The following PCCB variants were observed in gnomAD, a reference collection of about 807,000 sequenced individuals.
PCCB encodes the protein propionyl-CoA carboxylase subunit beta, also known as propionyl-CoA carboxylase beta chain, mitochondrial.
In PCCB, 43 loss-of-function variants were observed where a neutral mutation model predicts 60.7. The ratio of observed to expected loss-of-function variants is 0.71; its 90% CI spans 0.55 to 0.91. PCCB has a LOEUF of 0.91. Among genes scored for constraint, PCCB ranks in the 40% least tolerant of loss-of-function variants. The probability of loss-of-function intolerance (pLI) is 0.00; values close to 1 mark genes in which losing one functional copy is unlikely to be tolerated. For missense variants in PCCB, 766 were observed against 702.8 expected (o/e 1.09, Z -1.02); for synonymous variants, 276 against 255.9 (o/e 1.08, Z -0.75).
At chr3:136,315,946 A>G (rs556233654) in intron 9 of PCCB, among the ~76,000 whole-genome samples, 75 of 152,150 alleles carry the variant, frequency 4.9e-4, no homozygotes, top group Non-Finnish European at 3.2e-4. Context: ...ATGGTCGGGC[A>G]CAGTGGCTCA....
intron 5 of PCCB, among the ~76,000 whole-genome samples, chr3:136,274,469 A>G (rs1432421873): frequency 1.3e-5 from 2 of 152,200 alleles, no homozygotes; most frequent in Non-Finnish European, 2.9e-5. Context: ...TCTAGCTTGT[A>G]AGGTTTCTGC....
Position 136,283,852 on chromosome 3 carries a change from T to C in PCCB, c.559T>C (p.Ser187Pro), listed in dbSNP as rs1380239346. ...GTTTTGGCAGAGGAATGTTACGGCA[T>C]CCGGAGTCATCCCTCAGATTTCTCT... ...ADIFLRNVTA[S>P]GVIPQISLIM... The change falls in exon 6 of 15, where the codon TCC (serine) becomes CCC (proline). Residue 187 changes from serine to proline, a missense_variant. Physicochemically the swap from Ser to Pro is moderately conservative, Grantham distance 74. Transcript: ENST00000251654. The C allele has an allele frequency of 1.2e-5, 20 of 1,612,906 alleles. No individual in the cohort carries two copies. The Admixed American group carries it at 3.3e-4, about 27-fold the overall frequency.
chr3:136,326,535 G>A (rs963626857), intron 10 of PCCB: 18 of 647,098 alleles, frequency 2.8e-5, no homozygotes, highest in South Asian at 2.5e-4. Context: ...CGGCAAGGCC[G>A]GCTGTGTCTC....
chr3:136,301,100 A>G lies in PCCB; in HGVS notation c.955A>G (p.Ile319Val). 6.2e-7 allele frequency: 1 copy of G among 1,612,452 alleles called. No individual in the cohort carries two copies. The highest frequency in any genetic ancestry group is 1.3e-5 in the African/African-American group (1 of 75,030). ...ESTKAYNMVD[I>V]IHSVVDEREF... Reference sequence around the variant, plus strand: ...AACCAAAGCCTACAACATGGTGGACATCATACACTCTGTAAGTGCCACATC... The same window carrying G: ...AACCAAAGCCTACAACATGGTGGACGTCATACACTCTGTAAGTGCCACATC... The change falls in exon 9 of 15, where the codon ATC (isoleucine) becomes GTC (valine). Residue 319 changes from isoleucine to valine, a missense_variant. Physicochemically the swap from Ile to Val is conservative, Grantham distance 29. Transcript: ENST00000251654.
intron 9 of PCCB, 51 bp downstream of exon 9, chr3:136,301,162 G>A (rs772770286): frequency 3.5e-6 from 5 of 1,435,636 alleles, no homozygotes; most frequent in Admixed American, 3.4e-5. Flanking sequence ...CACATTCATG[G>A]GCATTGTGCT....
chr3:136,278,872 T>C (rs892200483), intron 5 of PCCB, among the ~76,000 whole-genome samples: 26 of 152,208 alleles, frequency 1.7e-4, no homozygotes, highest in Non-Finnish European at 5.9e-5. Context: ...TTCTGTCTGT[T>C]ATTAGAAGTG....
chr3:136,310,571 C>T (rs1390596203), intron 9 of PCCB, among the ~76,000 whole-genome samples: 1 of 152,128 alleles, frequency 6.6e-6, no homozygotes, highest in Non-Finnish European at 1.5e-5. Context: ...TTTCTGAGAC[C>T]TTTAAGGGCC....
intron 1 of PCCB, among the ~76,000 whole-genome samples, chr3:136,253,249 C>G (rs1051891134): frequency 2.0e-4 from 30 of 151,944 alleles, no homozygotes; most frequent in African/African-American, 7.0e-4. Context: ...ACCACCACAC[C>G]TGGCTATAAT....
At chr3:136,274,460 C>T (rs1382925408) in intron 5 of PCCB, among the ~76,000 whole-genome samples, 1 of 152,204 alleles carries the variant, frequency 6.6e-6, no homozygotes, top group Non-Finnish European at 1.5e-5. Flanking sequence ...CCAATCCCTT[C>T]TAGCTTGTAA....
chr3:136,253,529 C>T (rs1460781306), intron 1 of PCCB, among the ~76,000 whole-genome samples: 1 of 150,724 alleles, frequency 6.6e-6, no homozygotes, highest in Non-Finnish European at 1.5e-5. Flanking sequence ...GGATTTAAGG[C>T]ACGTGCCACC....
chr3:136,316,508 G>T (rs1934901241), intron 9 of PCCB, among the ~76,000 whole-genome samples: 1 of 151,922 alleles, frequency 6.6e-6, no homozygotes, highest in African/African-American at 2.4e-5. Flanking sequence ...TAGAGATGGG[G>T]TTTCGCTACA....
chr3:136,265,522 T>C (rs1285364345), intron 5 of PCCB, among the ~76,000 whole-genome samples: 1 of 152,228 alleles, frequency 6.6e-6, no homozygotes, highest in Non-Finnish European at 1.5e-5. Context: ...ATTGAATATT[T>C]TATGTATTTT....
intron 5 of PCCB, among the ~76,000 whole-genome samples, chr3:136,268,098 A>ATATATATATGTATG (rs1560002478): frequency 1.7e-5 from 2 of 115,538 alleles, no homozygotes; most frequent in Non-Finnish European, 1.7e-5. Context: ...ATATATATAT[A>ATATATATATGTATG]TATATATATA....
intron 5 of PCCB, among the ~76,000 whole-genome samples, chr3:136,278,622 T>A (rs967190354): frequency 1.3e-5 from 2 of 152,262 alleles, no homozygotes; most frequent in African/African-American, 4.8e-5. Context: ...CCTATTGTTA[T>A]TGAATTATAG....
At chr3:136,319,373 C>G (rs1356027240) in intron 10 of PCCB, among the ~76,000 whole-genome samples, 1 of 148,076 alleles carries the variant, frequency 6.8e-6, no homozygotes, top group African/African-American at 2.5e-5. Flanking sequence ...TTGATCATGT[C>G]TTTTGATACA....
intron 9 of PCCB, among the ~76,000 whole-genome samples, chr3:136,312,695 A>G (rs1934716062): frequency 6.6e-6 from 1 of 152,206 alleles, no homozygotes; most frequent in Non-Finnish European, 1.5e-5. Context: ...ACCTTAGGGG[A>G]AGGTTTAGAA....
intron 5 of PCCB, among the ~76,000 whole-genome samples, chr3:136,273,012 CTG>C (rs1368161766): frequency 1.3e-5 from 2 of 152,150 alleles, no homozygotes; most frequent in African/African-American, 4.8e-5. Context: ...GTTTTTATAA[CTG>C]TGTCACTACT....
At chr3:136,252,946 T>C (rs1941557579) in intron 1 of PCCB, among the ~76,000 whole-genome samples, 1 of 151,352 alleles carries the variant, frequency 6.6e-6, no homozygotes, top group Non-Finnish European at 1.5e-5. Context: ...CAGCTTTGGC[T>C]ACTTTCCTAA....
Position 136,250,439 on chromosome 3 carries a change from C to T in PCCB, c.64C>T (p.Arg22Cys), listed in dbSNP as rs771117263. The T allele has an allele frequency of 5.0e-6, 8 of 1,598,270 alleles. No homozygotes were observed. The highest frequency in any genetic ancestry group is 4.5e-5 in the South Asian group (4 of 89,072). The change falls in exon 1 of 15, where the codon CGC becomes TGC. Residue 22 changes from arginine (R) to cysteine (C), a missense_variant. Arg to Cys is a radical substitution (Grantham distance 180, BLOSUM62 -3). Coordinates refer to ENST00000251654, the MANE Select transcript of PCCB (RefSeq NM_000532.5). Reference sequence around the variant, plus strand: ...GCTCAGCGTTCTGGCGAGCGGTCTCCGCGCCGCGGTCCGCAGCCTTTGCAG... The same window carrying T: ...GCTCAGCGTTCTGGCGAGCGGTCTCTGCGCCGCGGTCCGCAGCCTTTGCAG... The part of the protein sequence containing the change: ...ARLSVLASGL[R>C]AAVRSLCSQA...
Sources: gnomAD v4.1 joint callset for allele counts (sites outside exome capture counted in the v4.1 genomes callset) on GRCh38, gnomAD v4.1.1 for gene constraint, MANE v1.5 for transcripts, NCBI Gene and HGNC (gene_info 2026-07-23, HGNC 2026-07-21) for gene names.